COL25A1: variants seen among roughly 807,000 people sequenced by gnomAD.
The protein encoded by COL25A1 is collagen type XXV alpha 1 chain.
A neutral mutation model predicts 128.4 loss-of-function variants in COL25A1; 103 were observed. The observed-to-expected ratio is 0.80, with a 90% CI of 0.68 to 0.94. The LOEUF (loss-of-function observed/expected upper bound fraction) is 0.94. Among genes scored for constraint, COL25A1 ranks in the 40% least tolerant of loss-of-function variants. The pLI is 0.00. For synonymous variants in COL25A1, 279 were observed against 277.2 expected (o/e 1.01, Z -0.06); for missense variants, 745 against 840.0 (o/e 0.89, Z 1.40).
intron 3 of COL25A1, among the ~76,000 whole-genome samples, chr4:109,227,372 T>C (rs1457170919): frequency 6.6e-6 from 1 of 152,218 alleles, no homozygotes; most frequent in Admixed American, 6.5e-5. Context: ...ATTGTTACTA[T>C]GTGTGAAGGA....
intron 6 of COL25A1, among the ~76,000 whole-genome samples, chr4:108,983,848 G>C (rs1485167208): frequency 6.6e-6 from 1 of 152,176 alleles, no homozygotes; most frequent in Non-Finnish European, 1.5e-5. Context: ...CATAATGGCA[G>C]TGTGGACCCG....
At chr4:109,236,641 T>A (rs1266458904) in intron 3 of COL25A1, among the ~76,000 whole-genome samples, 2 of 152,096 alleles carry the variant, frequency 1.3e-5, no homozygotes, top group Non-Finnish European at 2.9e-5. Context: ...CCAAGAAAAC[T>A]ATTTTCATTC....
chr4:109,251,664 G>A (rs1273609622), intron 3 of COL25A1, among the ~76,000 whole-genome samples: 5 of 152,264 alleles, frequency 3.3e-5, no homozygotes, highest in South Asian at 4.2e-4. Flanking sequence ...TGTGTCTCCC[G>A]ATAGAAGCAT....
At chr4:108,911,078 C>T (rs1186101656) in intron 13 of COL25A1, among the ~76,000 whole-genome samples, 1 of 152,106 alleles carries the variant, frequency 6.6e-6, no homozygotes, top group Non-Finnish European at 1.5e-5. Context: ...TAATACAAAT[C>T]TCAAAATCAA....
intron 35 of COL25A1, among the ~76,000 whole-genome samples, chr4:108,821,232 A>G (rs1731741355): frequency 6.6e-6 from 1 of 152,220 alleles, no homozygotes; most frequent in East Asian, 1.9e-4. Context: ...GAAGGCTCAG[A>G]ATCAAAAACA....
intron 35 of COL25A1, among the ~76,000 whole-genome samples, chr4:108,821,660 T>C (rs1178180358): frequency 6.6e-6 from 1 of 152,188 alleles, no homozygotes; most frequent in African/African-American, 2.4e-5. Flanking sequence ...CATTTTTCAG[T>C]AATATTTTAG....
At chr4:109,103,958 C>A (rs1254430254) in intron 3 of COL25A1, among the ~76,000 whole-genome samples, 1 of 152,148 alleles carries the variant, frequency 6.6e-6, no homozygotes, top group Non-Finnish European at 1.5e-5. Context: ...GGAATCATTT[C>A]TTTTCTATAG....
chr4:108,936,581 A>C (rs1012932353), intron 11 of COL25A1, among the ~76,000 whole-genome samples: 2 of 151,800 alleles, frequency 1.3e-5, no homozygotes, highest in African/African-American at 4.8e-5. Context: ...AAACAAACAA[A>C]AAAATTGTAT....
At chr4:109,081,612 A>G (rs1763837581) in intron 3 of COL25A1, among the ~76,000 whole-genome samples, 1 of 152,134 alleles carries the variant, frequency 6.6e-6, no homozygotes, top group South Asian at 2.1e-4. Flanking sequence ...TTATCTCCTC[A>G]AAAAGAAAAC....
intron 5 of COL25A1, among the ~76,000 whole-genome samples, chr4:109,019,375 C>CACATATATATATATATATATATAT (rs1338511772): frequency 5.9e-4 from 29 of 48,842 alleles, no homozygotes; most frequent in Admixed American, 1.2e-3. Flanking sequence ...CACACACACA[C>CACATATATATATATATATATATAT]ATATATATAT....
In COL25A1 at chr4:108,811,468, G is replaced by T. The variant is rs1219104050; in HGVS notation, c.*2459C>A. 1 of 151,952 alleles carries T rather than the reference G, an allele frequency of 6.6e-6. No individual in the cohort carries two copies. Among genetic ancestry groups the T allele is most frequent in the Non-Finnish European group, 1.5e-5 (1 of 67,918 alleles). 9.4% of individuals were successfully genotyped at this position (151,952 alleles called of 1,614,324 possible). A position where few individuals can be genotyped will look rare whatever the true frequency, so the allele number is the denominator to read the frequency against. ...AAAGTGTTTTTCTTTTGATGTTGAGGTATCGTCTCCTGAAGCTGTGCAAGT... is the reference window on the plus strand; with the variant it reads ...AAAGTGTTTTTCTTTTGATGTTGAGTTATCGTCTCCTGAAGCTGTGCAAGT... On this transcript the variant is annotated 3_prime_UTR_variant, in exon 38 of 38. Coordinates refer to ENST00000399132, the MANE Select transcript of COL25A1 (RefSeq NM_198721.4).
At chr4:109,181,271 T>C (rs1774603259) in intron 3 of COL25A1, among the ~76,000 whole-genome samples, 1 of 152,042 alleles carries the variant, frequency 6.6e-6, no homozygotes. Flanking sequence ...TCCCTGAAAA[T>C]TCACTTACAC....
At chr4:109,005,268 G>A (rs1417964252) in intron 6 of COL25A1, among the ~76,000 whole-genome samples, 1 of 152,124 alleles carries the variant, frequency 6.6e-6, no homozygotes, top group Non-Finnish European at 1.5e-5. Flanking sequence ...TAGATCTTAT[G>A]AGAACTAGTC....
intron 3 of COL25A1, among the ~76,000 whole-genome samples, chr4:109,153,015 A>C (rs1052524044): frequency 6.6e-6 from 1 of 152,192 alleles, no homozygotes; most frequent in Admixed American, 6.5e-5. Context: ...TAAGTGGTTA[A>C]AGAGATATAT....
At chr4:108,961,779 T>C (rs966926017) in intron 8 of COL25A1, among the ~76,000 whole-genome samples, 1 of 152,136 alleles carries the variant, frequency 6.6e-6, no homozygotes, top group Non-Finnish European at 1.5e-5. Context: ...GATGACAAGG[T>C]CAAGATTTTG....
chr4:108,969,000 TA>T (rs946917395), intron 8 of COL25A1, among the ~76,000 whole-genome samples: 1 of 152,090 alleles, frequency 6.6e-6, no homozygotes, highest in Non-Finnish European at 1.5e-5. Context: ...GACTGCTTTT[TA>T]AAAAAACTTT....
At chr4:108,834,510 G>C (rs1488266893) in intron 31 of COL25A1, 1 of 835,682 alleles carries the variant, frequency 1.2e-6, no homozygotes, top group Admixed American at 2.4e-5. Flanking sequence ...GCAGTTACAG[G>C]GTTCTGGGAT....
intron 3 of COL25A1, among the ~76,000 whole-genome samples, chr4:109,084,343 G>A (rs947969657): frequency 2.6e-5 from 4 of 152,036 alleles, no homozygotes; most frequent in Non-Finnish European, 4.4e-5. Flanking sequence ...AATTAAGGCC[G>A]CAGTATTAAT....
chr4:109,231,403 A>G (rs1779156433), intron 3 of COL25A1, among the ~76,000 whole-genome samples: 1 of 152,186 alleles, frequency 6.6e-6, no homozygotes, highest in African/African-American at 2.4e-5. Flanking sequence ...TCCTCATTTT[A>G]CATATTAGTG....
Sources: gnomAD v4.1 joint callset for allele counts (sites outside exome capture counted in the v4.1 genomes callset) on GRCh38, gnomAD v4.1.1 for gene constraint, MANE v1.5 for transcripts, NCBI Gene and HGNC (gene_info 2026-07-23, HGNC 2026-07-21) for gene names.